The following ESRRG variants were observed in gnomAD, a reference collection of about 807,000 sequenced individuals.
The protein encoded by ESRRG is estrogen related receptor gamma.
ESRRG carries 13 observed loss-of-function variants against 44.0 expected under a neutral mutation model. That is an observed-to-expected ratio of 0.30 (90% confidence interval 0.19 to 0.47). ESRRG has a LOEUF of 0.47. Among genes scored for constraint, ESRRG ranks in the 20% least tolerant of loss-of-function variants. The pLI, the probability that ESRRG is intolerant of heterozygous loss-of-function variation, is 1.00. For synonymous variants in ESRRG, 215 were observed against 214.6 expected, an observed-to-expected ratio of 1.00 and a Z score of -0.02; for missense variants, 395 against 580.6, an observed-to-expected ratio of 0.68 and a Z score of 3.29.
intron 2 of ESRRG, among the ~76,000 whole-genome samples, chr1:216,916,598 T>C (rs2061196220): frequency 6.6e-6 from 1 of 152,106 alleles, no homozygotes; most frequent in East Asian, 1.9e-4. Context: ...TGGGGATGGG[T>C]CCTATACCAC....
At chr1:216,816,848 C>T (rs1450169365) in intron 2 of ESRRG, among the ~76,000 whole-genome samples, 3 of 151,950 alleles carry the variant, frequency 2.0e-5, no homozygotes, top group Non-Finnish European at 2.9e-5. Context: ...AAATATCTTC[C>T]CAAATAAGTG....
At chr1:216,679,360 T>C (rs936294775) in intron 1 of ESRRG, among the ~76,000 whole-genome samples, 7 of 152,178 alleles carry the variant, frequency 4.6e-5, no homozygotes, top group African/African-American at 1.7e-4. Context: ...AAGTCATCGT[T>C]TGAAAGAAAG....
At chr1:216,523,927 T>C (rs2046866054) in intron 5 of ESRRG, among the ~76,000 whole-genome samples, 1 of 151,828 alleles carries the variant, frequency 6.6e-6, no homozygotes, top group African/African-American at 2.4e-5. Flanking sequence ...CTCACTGAGA[T>C]CACAAATGAA....
intron 3 of ESRRG, among the ~76,000 whole-genome samples, chr1:216,647,490 AT>A (rs11287469): frequency 0.84 from 128,015 of 151,888 alleles, 54,209 homozygotes; most frequent in Middle Eastern, 0.88. Flanking sequence ...AACTGATACA[AT>A]TTTTTTTTGA....
upstream of ESRRG, among the ~76,000 whole-genome samples, chr1:216,726,044 G>A (rs577011331): frequency 1.3e-5 from 2 of 152,170 alleles, no homozygotes; most frequent in South Asian, 4.1e-4. Context: ...GACTTCACTG[G>A]TGTATATTTT....
chr1:216,771,882 T>G (rs184843050), intron 2 of ESRRG, among the ~76,000 whole-genome samples: 13 of 145,876 alleles, frequency 8.9e-5, no homozygotes, highest in Non-Finnish European at 3.0e-5. Flanking sequence ...AACCCCAAAG[T>G]GTGTGGTGAA....
intron 2 of ESRRG, among the ~76,000 whole-genome samples, chr1:216,668,099 A>AAAAT (rs913714843): frequency 3.2e-4 from 48 of 152,264 alleles, no homozygotes; most frequent in South Asian, 1.0e-3. Flanking sequence ...TCCATCTCAA[A>AAAAT]AAATAAATAA....
chr1:216,664,628 C>G (rs1185010330), intron 2 of ESRRG, among the ~76,000 whole-genome samples: 3 of 147,564 alleles, frequency 2.0e-5, no homozygotes, highest in Non-Finnish European at 4.5e-5. Context: ...TTTGGCATAT[C>G]TATAAAATCT....
At chr1:216,771,816 GTT>G (rs72464828) in intron 2 of ESRRG, among the ~76,000 whole-genome samples, 2,620 of 128,112 alleles carry the variant, frequency 0.02, 75 homozygotes, top group African/African-American at 0.068. Context: ...AGTTTGTGGT[GTT>G]TTTTTTTTTT....
intron 1 of ESRRG, among the ~76,000 whole-genome samples, chr1:216,956,843 C>G (rs1249716830): frequency 6.6e-6 from 1 of 152,142 alleles, no homozygotes; most frequent in East Asian, 1.9e-4. Flanking sequence ...CAATATTTAT[C>G]TATCAAAAGC....
chr1:216,605,171 G>A (rs923841284), intron 3 of ESRRG, among the ~76,000 whole-genome samples: 1 of 152,218 alleles, frequency 6.6e-6, no homozygotes, highest in South Asian at 2.1e-4. Flanking sequence ...CATTAATATT[G>A]TTGGTCAGAT....
intron 2 of ESRRG, among the ~76,000 whole-genome samples, chr1:216,791,734 C>G (rs931969926): frequency 6.6e-6 from 1 of 152,068 alleles, no homozygotes; most frequent in African/African-American, 2.4e-5. Context: ...TTTTATCATA[C>G]CACTTGGTGA....
chr1:216,866,067 A>C (rs1162937391), intron 2 of ESRRG, among the ~76,000 whole-genome samples: 2 of 152,218 alleles, frequency 1.3e-5, no homozygotes, highest in Non-Finnish European at 2.9e-5. Flanking sequence ...GTTAACACAG[A>C]AATTCTGTTA....
At chr1:216,986,488 C>A (rs1269896265) in intron 1 of ESRRG, among the ~76,000 whole-genome samples, 1 of 151,942 alleles carries the variant, frequency 6.6e-6, no homozygotes, top group African/African-American at 2.4e-5. Context: ...CGAAGGTGGG[C>A]AGATCTCTTG....
chr1:216,528,244 A>T (rs1004117064), intron 5 of ESRRG, among the ~76,000 whole-genome samples: 11 of 152,356 alleles, frequency 7.2e-5, no homozygotes, highest in African/African-American at 2.4e-4. Flanking sequence ...CTCTTTTCTT[A>T]TAAGTGCCTA....
upstream of ESRRG, among the ~76,000 whole-genome samples, chr1:217,093,898 T>C (rs1275446562): frequency 6.6e-6 from 1 of 152,108 alleles, no homozygotes; most frequent in African/African-American, 2.4e-5. Flanking sequence ...AATATTATTA[T>C]CTGAGACAGG....
At chr1:216,712,790 G>A (rs1050953216) in intron 1 of ESRRG, among the ~76,000 whole-genome samples, 2 of 152,316 alleles carry the variant, frequency 1.3e-5, no homozygotes, top group East Asian at 3.9e-4. Context: ...AAGGTTGCCT[G>A]CAGTAAGTAC....
chr1:216,796,597 A>G (rs1375365740), intron 2 of ESRRG, among the ~76,000 whole-genome samples: 1 of 152,176 alleles, frequency 6.6e-6, no homozygotes, highest in African/African-American at 2.4e-5. Flanking sequence ...TTTAAAAAAG[A>G]AAAAGTCCTT....
chr1:217,044,019 A>T (rs1304686060), intron 1 of ESRRG, among the ~76,000 whole-genome samples: 1 of 152,188 alleles, frequency 6.6e-6, no homozygotes, highest in Non-Finnish European at 1.5e-5. Context: ...GGCAAATAAA[A>T]ATAGAAAAAA....
Sources: gnomAD v4.1 joint callset for allele counts (sites outside exome capture counted in the v4.1 genomes callset) on GRCh38, gnomAD v4.1.1 for gene constraint, MANE v1.5 for transcripts, NCBI Gene and HGNC (gene_info 2026-07-23, HGNC 2026-07-21) for gene names.